Variants in GUSB observed in about 807,000 individuals in gnomAD.
GUSB encodes the protein glucuronidase beta.
GUSB carries 51 observed loss-of-function variants against 74.6 expected under a neutral mutation model. That is an observed-to-expected ratio of 0.68 (90% confidence interval 0.55 to 0.86). The LOEUF is 0.86. Ranked by LOEUF, GUSB falls within the 40% of genes least tolerant of loss-of-function variation. The pLI, the probability that GUSB is intolerant of heterozygous loss-of-function variation, is 0.00. For missense variants in GUSB, 736 were observed against 853.7 expected (o/e 0.86, Z 1.72); for synonymous variants, 360 against 348.3 (o/e 1.03, Z -0.37).
chr7:65,981,802 G>A (rs1378526650), intron 1 of GUSB, 172 bp downstream of exon 1: 7 of 597,278 alleles, frequency 1.2e-5, no homozygotes, highest in Middle Eastern at 4.4e-4. Flanking sequence ...GCCCTCCAGG[G>A]TGCTCCTGTT....
chr7:65,979,792 G>A lies in GUSB; in HGVS notation c.516C>T (p.Ile172=), dbSNP rs1441689830. 6.2e-7 allele frequency: 1 copy of A among 1,613,840 alleles called. No individual in the cohort carries two copies. Among genetic ancestry groups the A allele is most frequent in the Admixed American group, 1.7e-5 (1 of 60,016 alleles). The part of the protein sequence containing the change: ...LPSRLRITIA[I]NNTLTPTTLP... ...GGGTGGTGGGGGTGAGTGTGTTGTTGATGGCGATAGTGATTCGGAGCCGGG... is the reference window on the plus strand; with the variant it reads ...GGGTGGTGGGGGTGAGTGTGTTGTTAATGGCGATAGTGATTCGGAGCCGGG... Residue 172 remains isoleucine, a synonymous_variant, in exon 3 of 12, where the codon ATC becomes ATT. Coordinates refer to ENST00000304895, the MANE Select transcript of GUSB (RefSeq NM_000181.4).
chr7:65,981,795 C>A, intron 1 of GUSB, 179 bp downstream of exon 1: 1 of 589,250 alleles, frequency 1.7e-6, no homozygotes, highest in Non-Finnish European at 3.0e-6. Flanking sequence ...CGCCCCGGCC[C>A]TCCAGGGTGC....
chr7:65,979,964 C>T (rs907946113), intron 2 of GUSB, 53 bp from the exon 3 acceptor site: 7 of 1,429,266 alleles, frequency 4.9e-6, no homozygotes, highest in African/African-American at 4.2e-5. Flanking sequence ...CATGAGGAGG[C>T]GCCCTACTAT....
chr7:65,964,132 G>C (rs574171529), intron 11 of GUSB, 191 bp downstream of exon 11: 3 of 653,964 alleles, frequency 4.6e-6, no homozygotes, highest in African/African-American at 3.6e-5. Context: ...GGAGGCGGGG[G>C]CCTGATTGCT....
At chr7:65,978,514 C>T (rs957169537) in intron 4 of GUSB, among the ~76,000 whole-genome samples, 3 of 151,798 alleles carry the variant, frequency 2.0e-5, no homozygotes, top group African/African-American at 7.3e-5. Flanking sequence ...ACGCCTGTAA[C>T]CCTTGCATTT....
In GUSB at chr7:65,960,810, T is replaced by C. The variant is rs567259021; in HGVS notation, c.*87A>G. 2.8e-5 allele frequency: 31 copies of C among 1,102,250 alleles called. No individual in the cohort carries two copies. The African/African-American group carries it at 4.4e-4, about 16-fold the overall frequency. The allele number at this position is 1,102,250 out of a possible 1,614,324, so 68.3% of individuals were successfully genotyped here. ...AGGCCAGAAACGTTCTGGTCTGCCG[T>C]GAACAGTCCAGGAGGCACTTGTTCT... On this transcript the variant is annotated 3_prime_UTR_variant, in exon 12 of 12. Coordinates refer to ENST00000304895, the MANE Select transcript of GUSB (RefSeq NM_000181.4).
chr7:65,962,690 T>C (rs1198557481), intron 11 of GUSB, among the ~76,000 whole-genome samples: 1 of 151,876 alleles, frequency 6.6e-6, no homozygotes, highest in African/African-American at 2.4e-5. Flanking sequence ...CTGACCAACA[T>C]GGAGAAACCC....
chr7:65,962,085 G>C (rs1790538419), intron 11 of GUSB, among the ~76,000 whole-genome samples: 1 of 152,148 alleles, frequency 6.6e-6, no homozygotes, highest in Admixed American at 6.5e-5. Flanking sequence ...CTGGTAACTG[G>C]GTAGGCAGAG....
Position 65,964,646 on chromosome 7 carries a change from G to A in GUSB, c.1654-188C>T, listed in dbSNP as rs184143991. Among the ~76,000 whole-genome samples, 354 of 151,164 alleles carry A rather than the reference G, an allele frequency of 2.3e-3. 2 individuals carry two copies. Among genetic ancestry groups the A allele is most frequent in the African/African-American group, 8.2e-3 (336 of 41,150 alleles). On this transcript the variant is annotated intron_variant, in intron 10 of 11. Coordinates refer to ENST00000304895, the MANE Select transcript of GUSB (RefSeq NM_000181.4). ...GATGTAACCCAGAATAAAAAAGGAG[G>A]TTTAAAAAAAAAAACAACCTTAATG...
At chr7:65,969,386 A>C (rs1010282909) in intron 9 of GUSB, among the ~76,000 whole-genome samples, 1 of 151,940 alleles carries the variant, frequency 6.6e-6, no homozygotes, top group Non-Finnish European at 1.5e-5. Flanking sequence ...CTCAAAATAA[A>C]TAAATAAATA....
At chr7:65,969,256 C>T (rs1048367440) in intron 9 of GUSB, among the ~76,000 whole-genome samples, 4 of 152,062 alleles carry the variant, frequency 2.6e-5, no homozygotes, top group African/African-American at 9.7e-5. Context: ...GTGGCATGCA[C>T]CTGTAATCCC....
At position 65,976,076 on chromosome 7, in the gene GUSB, C is replaced by A. The variant is rs1562688853; in HGVS notation, c.851G>T (p.Gly284Val). ...TGTQGQLKVPGVSLWWPYLMH... is the reference protein window; with the variant it reads ...TGTQGQLKVPVVSLWWPYLMH... ...CAGGTACGGCCACCAGAGGCTGACACCTGGCACCTTAAGTTGGCCCTGGGT... is the reference window on the plus strand; with the variant it reads ...CAGGTACGGCCACCAGAGGCTGACAACTGGCACCTTAAGTTGGCCCTGGGT... The change falls in exon 5 of 12, where the codon GGT (glycine) becomes GTT (valine). Residue 284 changes from glycine to valine, a missense_variant. Transcript: ENST00000304895. 1.2e-6 allele frequency: 2 copies of A among 1,613,960 alleles called. No individual in the cohort carries two copies. The highest frequency in any genetic ancestry group is 8.5e-7 in the Non-Finnish European group (1 of 1,180,004).
At chr7:65,968,088 C>CA (rs987936533) in intron 9 of GUSB, among the ~76,000 whole-genome samples, 181 bp from the exon 10 acceptor site, 4 of 151,806 alleles carry the variant, frequency 2.6e-5, no homozygotes, top group African/African-American at 9.7e-5. Flanking sequence ...TGCAGCATTA[C>CA]AAAAAATAGT....
intron 4 of GUSB, among the ~76,000 whole-genome samples, chr7:65,978,506 G>A (rs925714144): frequency 2.6e-5 from 4 of 151,884 alleles, no homozygotes; most frequent in East Asian, 1.9e-4. Flanking sequence ...AGTGGCTCAC[G>A]CCTGTAACCC....
intron 8 of GUSB, among the ~76,000 whole-genome samples, chr7:65,972,096 C>A (rs949393473): frequency 2.6e-5 from 4 of 152,180 alleles, no homozygotes; most frequent in Admixed American, 6.6e-5. Context: ...AAAAACCCAA[C>A]AGAGGGACCC....
rs1341580615 is a variant in GUSB, at chr7:65,974,708, G to GGA, written c.1066-6_1066-5dup. 6.2e-7 allele frequency: 1 copy of GGA among 1,612,560 alleles called. No individual in the cohort carries two copies. ...AGTCGAAGCCCTTCCCTCGGATCTA[G>GGA]GAGATAGCAGAGCCAAGTGACCCCT... On this transcript the variant is annotated splice_polypyrimidine_tract_variant and splice_region_variant and intron_variant, in intron 6 of 11. Transcript: ENST00000304895.
chr7:65,974,998 A>G lies in GUSB; in HGVS notation c.986T>C (p.Val329Ala). 6.2e-7 allele frequency: 1 copy of G among 1,613,458 alleles called. No individual in the cohort carries two copies. Among genetic ancestry groups the G allele is most frequent in the East Asian group, 2.2e-5 (1 of 44,872 alleles). The change falls in exon 6 of 12, where the codon GTG becomes GCG. Residue 329 changes from valine to alanine, a missense_variant. Transcript: ENST00000304895. Reference protein sequence around the residue: ...FYTLPVGIRTVAVTKSQFLIN... With the variant: ...FYTLPVGIRTAAVTKSQFLIN... ...GAGGAACTGGCTCTTGGTGACAGCCACAGTGCGGATCCCCACAGGGAGTGT... is the reference window on the plus strand; with the variant it reads ...GAGGAACTGGCTCTTGGTGACAGCCGCAGTGCGGATCCCCACAGGGAGTGT...
At position 65,979,710 on chromosome 7, in the gene GUSB, G is replaced by A; in HGVS notation, c.581+17C>T. 6.2e-7 allele frequency: 1 copy of A among 1,612,200 alleles called. No homozygotes were observed. On this transcript the variant is annotated intron_variant, in intron 3 of 11. Coordinates refer to ENST00000304895, the MANE Select transcript of GUSB (RefSeq NM_000181.4). ...CGGGAAGGTGGGTGTGTGCAATGGA[G>A]GCAGGATGGTACCCACTTGGAGGTG...
At chr7:65,981,740 C>T (rs1562698792) in intron 1 of GUSB, 1 of 512,416 alleles carries the variant, frequency 2.0e-6, no homozygotes, top group Non-Finnish European at 3.5e-6. Flanking sequence ...CAGCCTTTAC[C>T]TCGGGAAAGG....
Sources: allele counts gnomAD v4.1 joint callset (sites outside exome capture counted in the v4.1 genomes callset), GRCh38; gene constraint gnomAD v4.1.1; transcripts MANE v1.5; gene names NCBI Gene and HGNC (gene_info 2026-07-23, HGNC 2026-07-21).